MYCBP2: variants seen among roughly 807,000 people sequenced by gnomAD.
The protein encoded by MYCBP2 is E3 ubiquitin-protein ligase MYCBP2.
MYCBP2 carries 120 observed loss-of-function variants against 525.3 expected under a neutral mutation model. The observed-to-expected ratio is 0.23, with a 90% CI of 0.20 to 0.27. The LOEUF (loss-of-function observed/expected upper bound fraction) is 0.27, where lower values mean the gene tolerates loss of function less well. Among genes scored for constraint, MYCBP2 ranks in the 10% least tolerant of loss-of-function variants. MYCBP2 has a pLI of 1.00. For synonymous variants in MYCBP2, 1,894 were observed against 1,955.8 expected (o/e 0.97, Z 0.83); for missense variants, 4,149 against 5,657.1 (o/e 0.73, Z 8.55).
Position 77,106,722 on chromosome 13 carries a change from C to T in MYCBP2, c.8141-7709G>A, listed in dbSNP as rs1159550639. Reference sequence around the variant, plus strand: ...ACAATCTTTTTCTTCTCTTTAAGTTCCTTTTTTTTCTTTCCAATTTTTTTC... The same window carrying T: ...ACAATCTTTTTCTTCTCTTTAAGTTTCTTTTTTTTCTTTCCAATTTTTTTC... On this transcript the variant is annotated intron_variant, in intron 55 of 82. Coordinates refer to ENST00000544440, the MANE Select transcript of MYCBP2 (RefSeq NM_015057.5). Among the ~76,000 whole-genome samples, 4 of 151,772 alleles carry T rather than the reference C, an allele frequency of 2.6e-5. No individual in the cohort carries two copies. In the East Asian group the frequency reaches 7.7e-4, roughly 29 times the overall value.
At chr13:77,136,066 G>A (rs1025455211) in intron 52 of MYCBP2, among the ~76,000 whole-genome samples, 9 of 152,052 alleles carry the variant, frequency 5.9e-5, no homozygotes, top group South Asian at 4.2e-4. Flanking sequence ...TGATCCACCC[G>A]TCTTGGCCTC....
intron 66 of MYCBP2, chr13:77,077,613 G>A (rs2042536991): frequency 1.1e-5 from 5 of 447,884 alleles, no homozygotes; most frequent in East Asian, 3.9e-5. Context: ...TACAGGTTAA[G>A]GGATTTTCAG....
At chr13:77,284,991 T>C (rs1415383500) in intron 3 of MYCBP2, among the ~76,000 whole-genome samples, 3 of 152,202 alleles carry the variant, frequency 2.0e-5, no homozygotes, top group East Asian at 3.9e-4. Flanking sequence ...AGGTCAGTAC[T>C]TGGTAGAAAA....
Position 77,064,726 on chromosome 13 carries a change from C to T in MYCBP2, c.12561G>A (p.Leu4187=). 5 of 1,613,726 alleles carry T rather than the reference C, an allele frequency of 3.1e-6. No homozygotes were observed. The highest frequency in any genetic ancestry group is 4.2e-6 in the Non-Finnish European group (5 of 1,179,768). ...KLIKDMAAGH[L]SEAWSRVTKN... is the part of the protein sequence containing the mutation. ...TTGTCACTCGGGACCAAGCTTCTGACAGATGACCCTATTGAGCAGAACAGA... is the reference window on the plus strand; with the variant it reads ...TTGTCACTCGGGACCAAGCTTCTGATAGATGACCCTATTGAGCAGAACAGA... The change falls in exon 73 of 83, where the codon CTG becomes CTA. Residue 4187 remains leucine (L), a synonymous_variant. Transcript: ENST00000544440.
intron 79 of MYCBP2, 96 bp downstream of exon 79, chr13:77,056,890 G>T (rs2038205200): frequency 2.2e-6 from 2 of 901,390 alleles, no homozygotes; most frequent in South Asian, 1.5e-5. Context: ...GGGGCTGGTG[G>T]GTAAAACCAA....
intron 39 of MYCBP2, among the ~76,000 whole-genome samples, chr13:77,169,247 T>C (rs2058871879): frequency 6.6e-6 from 1 of 151,584 alleles, no homozygotes; most frequent in Non-Finnish European, 1.5e-5. Flanking sequence ...ATACAAAAAA[T>C]TAGCCGGGCG....
At chr13:77,243,218 G>T in intron 16 of MYCBP2, 58 bp from the exon 17 acceptor site, 1 of 1,239,258 alleles carries the variant, frequency 8.1e-7, no homozygotes, top group Non-Finnish European at 1.2e-6. Flanking sequence ...TAATAGCTAT[G>T]ACAGAACTAC....
chr13:77,263,898 A>G, intron 9 of MYCBP2, 31 bp downstream of exon 9: 1 of 1,607,530 alleles, frequency 6.2e-7, no homozygotes. Context: ...AATTCCATTT[A>G]CACTAGCTAC....
intron 6 of MYCBP2, 50 bp from the exon 7 acceptor site, chr13:77,270,113 C>G (rs753694479): frequency 6.6e-7 from 1 of 1,522,944 alleles, no homozygotes; most frequent in Non-Finnish European, 8.9e-7. Context: ...AATTAATAAT[C>G]AATGAAAAAT....
At position 77,051,886 on chromosome 13, in the gene MYCBP2, A is replaced by G. The variant is rs1283609541; in HGVS notation, c.13680T>C (p.Ala4560=). The change falls in exon 81 of 83, where the codon GCT becomes GCC. Residue 4560 remains alanine, a synonymous_variant. Transcript: ENST00000544440. ...CATAATCATCTCCCCGTCCAGCCTCAGCATCGCAGCGAGCTTCACCACCAA... is the reference window on the plus strand; with the variant it reads ...CATAATCATCTCCCCGTCCAGCCTCGGCATCGCAGCGAGCTTCACCACCAA... The part of the protein sequence containing the change: ...AYFGGEARCD[A]EAGRGDDYDP... The G allele has an allele frequency of 3.7e-6, 6 of 1,614,082 alleles. No individual in the cohort carries two copies. The highest frequency in any genetic ancestry group is 5.1e-6 in the Non-Finnish European group (6 of 1,180,040).
intron 47 of MYCBP2, among the ~76,000 whole-genome samples, chr13:77,146,624 A>C (rs1323595184): frequency 6.6e-6 from 1 of 152,208 alleles, no homozygotes; most frequent in Admixed American, 6.5e-5. Context: ...CAACAAAAAA[A>C]GACAGTCAAG....
At chr13:77,268,371 C>T (rs1007427669) in intron 7 of MYCBP2, among the ~76,000 whole-genome samples, 5 of 152,122 alleles carry the variant, frequency 3.3e-5, no homozygotes, top group African/African-American at 9.7e-5. Context: ...ATACTTTCCA[C>T]GGCATTATTT....
At chr13:77,207,129 C>T (rs2063441159) in intron 23 of MYCBP2, among the ~76,000 whole-genome samples, 1 of 151,952 alleles carries the variant, frequency 6.6e-6, no homozygotes, top group Non-Finnish European at 1.5e-5. Flanking sequence ...AACAAATACC[C>T]CATTAAAAAA....
chr13:77,242,663 A>C (rs2069077180), intron 17 of MYCBP2, among the ~76,000 whole-genome samples: 1 of 152,246 alleles, frequency 6.6e-6, no homozygotes, highest in African/African-American at 2.4e-5. Flanking sequence ...GAAATGAAAA[A>C]GACTAAATTG....
chr13:77,223,035 T>C (rs921348929), intron 20 of MYCBP2, among the ~76,000 whole-genome samples: 2 of 152,164 alleles, frequency 1.3e-5, no homozygotes, highest in African/African-American at 2.4e-5. Context: ...CTGCTCTCTA[T>C]CTTTCCAGAC....
chr13:77,237,589 T>C (rs931271101), intron 17 of MYCBP2, among the ~76,000 whole-genome samples: 17 of 152,292 alleles, frequency 1.1e-4, no homozygotes, highest in African/African-American at 4.1e-4. Flanking sequence ...AATTAAGGAA[T>C]AGGTTTATGC....
At chr13:77,321,190 T>A (rs2081563743) in intron 1 of MYCBP2, among the ~76,000 whole-genome samples, 1 of 152,240 alleles carries the variant, frequency 6.6e-6, no homozygotes, top group Non-Finnish European at 1.5e-5. Context: ...TAAACAAATA[T>A]ATTAAAGGAC....
Position 77,087,686 on chromosome 13 carries a change from A to AAAAATACAT in MYCBP2, c.10726-54_10726-53insATGTATTTT, listed in dbSNP as rs1476845897. On this transcript the variant is annotated intron_variant, in intron 61 of 82. Transcript: ENST00000544440. ...AAGAATAAAATACATGAGTTTAAAA[A>AAAAATACAT]GTACTCAGAAATAAAGTACCTCCAT... 81 of 1,483,928 alleles carry AAAAATACAT rather than the reference A, an allele frequency of 5.5e-5. No homozygotes were observed. In the African/African-American group the frequency reaches 1.1e-3, roughly 20 times the overall value. The allele number at this position is 1,483,928 out of a possible 1,614,324, so 91.9% of individuals were successfully genotyped here. A position where few individuals can be genotyped will look rare whatever the true frequency, so the allele number is the denominator to read the frequency against.
At chr13:77,095,675 T>C (rs2046128333) in intron 57 of MYCBP2, 73 bp from the exon 58 acceptor site, 1 of 1,513,204 alleles carries the variant, frequency 6.6e-7, no homozygotes, top group Non-Finnish European at 8.9e-7. Context: ...GCTAAGTATT[T>C]TGAGTTTCCA....
Sources: allele counts gnomAD v4.1 joint callset (sites outside exome capture counted in the v4.1 genomes callset), GRCh38; gene constraint gnomAD v4.1.1; transcripts MANE v1.5; gene names NCBI Gene and HGNC (gene_info 2026-07-23, HGNC 2026-07-21).